Variants in MKNK1 observed in about 807,000 individuals in gnomAD.
MKNK1 encodes MAP kinase-interacting serine/threonine-protein kinase 1.
Under a neutral mutation model 49.3 loss-of-function variants are expected in MKNK1, and 30 were observed. The observed-to-expected ratio is 0.61, with a 90% CI of 0.46 to 0.83. The LOEUF (loss-of-function observed/expected upper bound fraction) is 0.83. Ranked by LOEUF, MKNK1 falls within the 40% of genes least tolerant of loss-of-function variation. The pLI is 0.00. For missense variants in MKNK1, 423 were observed against 524.7 expected (o/e 0.81, Z 1.89); for synonymous variants, 176 against 201.7 (o/e 0.87, Z 1.08).
intron 2 of MKNK1, among the ~76,000 whole-genome samples, chr1:46,585,058 G>A (rs768651145): frequency 1.8e-4 from 27 of 151,550 alleles, no homozygotes; most frequent in Non-Finnish European, 3.1e-4. Context: ...CGAGACCATC[G>A]TGGCCAACAT....
At chr1:46,588,807 CAAAAA>C (rs35556956) in intron 2 of MKNK1, among the ~76,000 whole-genome samples, 1 of 71,264 alleles carries the variant, frequency 1.4e-5, no homozygotes, top group Non-Finnish European at 3.0e-5. Context: ...GACTCCGTCT[CAAAAA>C]AAAAAAAAAA....
At chr1:46,568,274 G>A (rs1319770945) in intron 8 of MKNK1, 169 bp downstream of exon 8, 2 of 635,952 alleles carry the variant, frequency 3.1e-6, no homozygotes, top group African/African-American at 1.8e-5. Flanking sequence ...AAGAAAGGAC[G>A]AGGATGGGCA....
rs1673742492 is a variant in MKNK1, at chr1:46,594,185, C to T, written c.-75G>A. 1 of 1,587,820 alleles carries T rather than the reference C, an allele frequency of 6.3e-7. No homozygotes were observed. Among genetic ancestry groups the T allele is most frequent in the Admixed American group, 1.7e-5 (1 of 59,988 alleles). ...ATCCCAAATGAAATAAAGCTCCTGTCAGGAAGTTGGTGTCTTCCAGCTACA... is the reference window on the plus strand; with the variant it reads ...ATCCCAAATGAAATAAAGCTCCTGTTAGGAAGTTGGTGTCTTCCAGCTACA... On this transcript the variant is annotated 5_prime_UTR_variant, in exon 2 of 13. Coordinates refer to ENST00000371945, the MANE Select transcript of MKNK1 (RefSeq NM_001135553.4).
intron 8 of MKNK1, among the ~76,000 whole-genome samples, chr1:46,567,642 C>G (rs1388265340): frequency 6.6e-6 from 1 of 152,268 alleles, no homozygotes; most frequent in East Asian, 1.9e-4. Flanking sequence ...AAGGCCACCC[C>G]TTATTTATGA....
intron 1 of MKNK1, among the ~76,000 whole-genome samples, chr1:46,601,971 T>C (rs1003198862): frequency 1.3e-5 from 2 of 152,050 alleles, no homozygotes; most frequent in Non-Finnish European, 2.9e-5. Context: ...GAACAACTAA[T>C]CCAGCAGAAG....
intron 6 of MKNK1, chr1:46,574,699 C>T (rs1481654244): frequency 2.2e-6 from 1 of 451,390 alleles, no homozygotes; most frequent in African/African-American, 2.0e-5. Context: ...CTAAATGTAT[C>T]TATATATGAC....
At chr1:46,601,621 T>C (rs1284408357) in intron 1 of MKNK1, among the ~76,000 whole-genome samples, 1 of 152,250 alleles carries the variant, frequency 6.6e-6, no homozygotes, top group East Asian at 1.9e-4. Flanking sequence ...AGAATTCTTG[T>C]ACTTTCTTGT....
At chr1:46,570,299 T>G (rs1669872950) in intron 7 of MKNK1, 1 of 152,166 alleles carries the variant, frequency 6.6e-6, no homozygotes, top group African/African-American at 2.4e-5. Flanking sequence ...AGTTTTGCAA[T>G]CTACAGAGGC....
chr1:46,599,562 G>A lies in MKNK1; in HGVS notation c.-171+4623C>T, dbSNP rs181718272. On this transcript the variant is annotated intron_variant, in intron 1 of 12. Coordinates refer to ENST00000371945, the MANE Select transcript of MKNK1 (RefSeq NM_001135553.4). ...TTCCAAACTAGGCCAGTGATTCACC[G>A]TTTAAGCCTCTTCACTGATGTCCCC... 1.8e-4 allele frequency among the ~76,000 whole-genome samples: 27 copies of A among 152,288 alleles called. No homozygotes were observed. In the East Asian group the frequency reaches 2.9e-3, roughly 16 times the overall value.
At position 46,568,512 on chromosome 1, in the gene MKNK1, G is replaced by T; in HGVS notation, c.458-14C>A. On this transcript the variant is annotated splice_polypyrimidine_tract_variant and intron_variant, in intron 7 of 12. Coordinates refer to ENST00000371945, the MANE Select transcript of MKNK1 (RefSeq NM_001135553.4). ...GATGAGCAATGCCTGACATGACAAAGAGCAAAAAAATGGTTAACATATGCA... is the reference window on the plus strand; with the variant it reads ...GATGAGCAATGCCTGACATGACAAATAGCAAAAAAATGGTTAACATATGCA... 3 of 1,610,574 alleles carry T rather than the reference G, an allele frequency of 1.9e-6. No homozygotes were observed. The highest frequency in any genetic ancestry group is 2.5e-6 in the Non-Finnish European group (3 of 1,178,572).
At chr1:46,587,119 A>C (rs1301437540) in intron 2 of MKNK1, among the ~76,000 whole-genome samples, 2 of 152,180 alleles carry the variant, frequency 1.3e-5, no homozygotes, top group Non-Finnish European at 2.9e-5. Context: ...CAGGTCCTTC[A>C]CTTTCTAAAC....
intron 3 of MKNK1, chr1:46,582,720 T>C (rs1205560051): frequency 2.7e-6 from 1 of 367,654 alleles, no homozygotes; most frequent in African/African-American, 2.1e-5. Flanking sequence ...TGACCCAACA[T>C]CGTTTCTACT....
intron 11 of MKNK1, among the ~76,000 whole-genome samples, chr1:46,561,232 T>G (rs1250042095): frequency 2.0e-5 from 3 of 152,118 alleles, no homozygotes; most frequent in African/African-American, 7.2e-5. Context: ...ATGTACCAAA[T>G]CCCCAGAGGA....
chr1:46,571,226 A>AGAT (rs1366148728), intron 7 of MKNK1, among the ~76,000 whole-genome samples: 1 of 152,258 alleles, frequency 6.6e-6, no homozygotes, highest in African/African-American at 2.4e-5. Context: ...GCTTTTCAAC[A>AGAT]GATACCTCAA....
chr1:46,564,476 T>TTTG (rs1668682872), intron 9 of MKNK1, among the ~76,000 whole-genome samples: 1 of 126,426 alleles, frequency 7.9e-6, no homozygotes, highest in African/African-American at 3.4e-5. Context: ...GTTTTTTTTT[T>TTTG]TTTTTTTTTT....
Position 46,572,089 on chromosome 1 carries a change from G to A in MKNK1, c.431C>T (p.Ala144Val). The A allele has an allele frequency of 1.9e-6, 3 of 1,614,134 alleles. No homozygotes were observed. The highest frequency in any genetic ancestry group is 1.1e-5 in the South Asian group (1 of 91,082). The change falls in exon 7 of 13, where the codon GCT (alanine) becomes GTT (valine). Residue 144 changes from alanine (A) to valine (V), a missense_variant. Transcript: ENST00000371945. ...EASRVVRDVA[A>V]ALDFLHTKGI... ...TTTGGTATGCAGGAAGTCAAGGGCAGCAGCAACGTCCCGCACCACTCGGCT... is the reference window on the plus strand; with the variant it reads ...TTTGGTATGCAGGAAGTCAAGGGCAACAGCAACGTCCCGCACCACTCGGCT...
At chr1:46,573,085 G>A (rs763716851) in intron 6 of MKNK1, among the ~76,000 whole-genome samples, 1 of 152,222 alleles carries the variant, frequency 6.6e-6, no homozygotes, top group African/African-American at 2.4e-5. Flanking sequence ...AAAATGGGTA[G>A]TACACTTATT....
intron 11 of MKNK1, among the ~76,000 whole-genome samples, chr1:46,560,974 T>A (rs1017394892): frequency 6.6e-5 from 10 of 152,310 alleles, no homozygotes; most frequent in Admixed American, 2.6e-4. Context: ...GGAGGATTTT[T>A]AAAAATGTTT....
rs143958713 is a variant in MKNK1 at position 46,570,540 on chromosome 1, T to G, written c.457+1523A>C. On this transcript the variant is annotated intron_variant, in intron 7 of 12. Transcript: ENST00000371945. ...TCAATGAACCTGAACCTCCTGGACATGCGCCACACTGGTCTGCACCGGATT... is the reference window on the plus strand; with the variant it reads ...TCAATGAACCTGAACCTCCTGGACAGGCGCCACACTGGTCTGCACCGGATT... Among the ~76,000 whole-genome samples the G allele has an allele frequency of 1.8e-4, 27 of 152,330 alleles. No individual in the cohort carries two copies. The East Asian group carries it at 4.8e-3, about 27-fold the overall frequency.
Sources: allele counts gnomAD v4.1 joint callset (sites outside exome capture counted in the v4.1 genomes callset), GRCh38; gene constraint gnomAD v4.1.1; transcripts MANE v1.5; gene names NCBI Gene and HGNC (gene_info 2026-07-23, HGNC 2026-07-21).